Variants in SLC24A2 observed in about 807,000 individuals in gnomAD.
The protein encoded by SLC24A2 is solute carrier family 24 member 2, also known as sodium/potassium/calcium exchanger 2.
In SLC24A2, 36 loss-of-function variants were observed where a neutral mutation model predicts 62.0. The observed-to-expected ratio is 0.58, with a 90% confidence interval of 0.44 to 0.77. The LOEUF is 0.77. SLC24A2 is among the 30% of genes least tolerant of loss of function. The pLI is 0.00. For missense variants in SLC24A2, 846 were observed against 817.9 expected (o/e 1.03, Z -0.42); for synonymous variants, 358 against 294.0 (o/e 1.22, Z -2.23).
the SLC24A2 span, among the ~76,000 whole-genome samples, chr9:19,824,242 C>A: frequency 6.6e-6 from 1 of 152,150 alleles, no homozygotes; most frequent in Admixed American, 6.5e-5. Flanking sequence ...AGGCAACCTA[C>A]AGAATGGGAG....
chr9:19,871,104 TTA>T, the SLC24A2 span, among the ~76,000 whole-genome samples: 1 of 152,138 alleles, frequency 6.6e-6, no homozygotes, highest in African/African-American at 2.4e-5. Context: ...CCAAAGAGTT[TTA>T]TAGTTTTGGC....
chr9:20,036,233 G>C, the SLC24A2 span, among the ~76,000 whole-genome samples: 1 of 152,066 alleles, frequency 6.6e-6, no homozygotes, highest in Non-Finnish European at 1.5e-5. Flanking sequence ...TATTTATGAG[G>C]CACAAAGTGA....
chr9:19,983,648 A>AAAAGAAAAAAATGTTTTATTTTT, the SLC24A2 span, among the ~76,000 whole-genome samples: 1 of 151,930 alleles, frequency 6.6e-6, no homozygotes, highest in African/African-American at 2.4e-5. Flanking sequence ...ATCTCAAAAG[A>AAAAGAAAAAAATGTTTTATTTTT]AAAGAAAAAA....
At chr9:20,147,548 G>A in the SLC24A2 span, among the ~76,000 whole-genome samples, 2 of 152,120 alleles carry the variant, frequency 1.3e-5, no homozygotes, top group African/African-American at 4.8e-5. Context: ...TTTGGCAAGT[G>A]CCCAATGTAG....
At chr9:19,961,132 A>G in the SLC24A2 span, among the ~76,000 whole-genome samples, 1 of 99,470 alleles carries the variant, frequency 1.0e-5, no homozygotes, top group Non-Finnish European at 2.2e-5. Context: ...AGAGAGACAG[A>G]AGAAAGGGGA....
In SLC24A2 at chr9:19,546,908, G is replaced by A. The variant is rs1196836324; in HGVS notation, c.1479+3229C>T. On this transcript the variant is annotated intron_variant, in intron 8 of 10. Transcript: ENST00000341998. ...AGAGTGCACTGTTCCTCATGGCACAGTCCCTCACAGCTTCCCTTGGGTAGG... is the reference window on the plus strand; with the variant it reads ...AGAGTGCACTGTTCCTCATGGCACAATCCCTCACAGCTTCCCTTGGGTAGG... 7.2e-5 allele frequency among the ~76,000 whole-genome samples: 11 copies of A among 152,298 alleles called. No homozygotes were observed. In the South Asian group the frequency reaches 1.9e-3, roughly 26 times the overall value.
At chr9:19,779,076 G>C (rs971170975) in intron 2 of SLC24A2, among the ~76,000 whole-genome samples, 1 of 152,166 alleles carries the variant, frequency 6.6e-6, no homozygotes, top group Non-Finnish European at 1.5e-5. Flanking sequence ...TGAGACGCTA[G>C]AAGGTAGATA....
chr9:20,190,399 T>G, the SLC24A2 span, among the ~76,000 whole-genome samples: 1 of 152,222 alleles, frequency 6.6e-6, no homozygotes, highest in Non-Finnish European at 1.5e-5. Flanking sequence ...TTAAAAATTT[T>G]TAATCATCTA....
chr9:19,874,075 CT>C, the SLC24A2 span, among the ~76,000 whole-genome samples: 4,564 of 107,078 alleles, frequency 0.043, 150 homozygotes, highest in African/African-American at 0.14. Flanking sequence ...CTTTTCTTTT[CT>C]TTTTTTTTTT....
the SLC24A2 span, among the ~76,000 whole-genome samples, chr9:20,290,402 T>A: frequency 3.1e-4 from 47 of 152,256 alleles, no homozygotes; most frequent in African/African-American, 1.1e-3. Context: ...ATGTATCTCA[T>A]CTTGCCTGTA....
chr9:19,642,986 CTT>C (rs71335441), intron 2 of SLC24A2, among the ~76,000 whole-genome samples: 54,006 of 125,184 alleles, frequency 0.43, 11,358 homozygotes, highest in East Asian at 0.7. Flanking sequence ...GGCCAGTATT[CTT>C]TTTTTTTTTT....
At chr9:19,809,209 T>C in the SLC24A2 span, among the ~76,000 whole-genome samples, 1 of 152,196 alleles carries the variant, frequency 6.6e-6, no homozygotes, top group East Asian at 1.9e-4. Flanking sequence ...TTTGGTTTTC[T>C]TTCTAATATC....
chr9:20,186,950 C>G, the SLC24A2 span, among the ~76,000 whole-genome samples: 1 of 152,150 alleles, frequency 6.6e-6, no homozygotes. Context: ...GGATCAAGTT[C>G]TGAGTCTTGT....
intron 9 of SLC24A2, 61 bp from the exon 10 acceptor site, chr9:19,521,121 C>G: frequency 9.3e-6 from 14 of 1,505,592 alleles, no homozygotes; most frequent in Non-Finnish European, 1.2e-5. Context: ...ATAAAAATCA[C>G]AAAAATTTCA....
the SLC24A2 span, among the ~76,000 whole-genome samples, chr9:20,171,939 C>T: frequency 2.0e-5 from 3 of 151,946 alleles, no homozygotes; most frequent in African/African-American, 7.2e-5. Flanking sequence ...ATGGAACTTC[C>T]TCCAAGATAG....
chr9:20,272,105 A>C, the SLC24A2 span, among the ~76,000 whole-genome samples: 1 of 152,224 alleles, frequency 6.6e-6, no homozygotes, highest in African/African-American at 2.4e-5. Flanking sequence ...TCCTGCCTGA[A>C]ATGCCAATTA....
rs370874453 is a variant in SLC24A2, at chr9:19,562,783, T to C, written c.1347+10568A>G. On this transcript the variant is annotated intron_variant, in intron 7 of 10. Coordinates refer to ENST00000341998, the MANE Select transcript of SLC24A2 (RefSeq NM_020344.4). ...GTGGATTTCTTTTTTAAGGCAGTCA[T>C]AGTTCTAATACTGTTCAGGCCTTGA... Among the ~76,000 whole-genome samples the C allele has an allele frequency of 1.4e-4, 22 of 152,322 alleles. No homozygotes were observed. In the South Asian group the frequency reaches 2.5e-3, roughly 17 times the overall value.
intron 2 of SLC24A2, among the ~76,000 whole-genome samples, chr9:19,636,315 T>TTTTCTTTCTTTCTTTC (rs72137164): frequency 2.1e-3 from 86 of 40,026 alleles, no homozygotes; most frequent in South Asian, 2.9e-3. Flanking sequence ...TTTTCTTTTC[T>TTTTCTTTCTTTCTTTC]TTTCTTTCTT....
At chr9:19,904,337 C>T in the SLC24A2 span, among the ~76,000 whole-genome samples, 2 of 152,154 alleles carry the variant, frequency 1.3e-5, no homozygotes, top group African/African-American at 2.4e-5. Flanking sequence ...AGATTATACA[C>T]CAAAATCACC....
Sources: gnomAD v4.1 joint callset for allele counts (sites outside exome capture counted in the v4.1 genomes callset) on GRCh38, gnomAD v4.1.1 for gene constraint, MANE v1.5 for transcripts, NCBI Gene and HGNC (gene_info 2026-07-23, HGNC 2026-07-21) for gene names.